QRFPR: variants seen among roughly 807,000 people sequenced by gnomAD.
The protein encoded by QRFPR is pyroglutamylated RF-amide peptide receptor.
Under a neutral mutation model 31.3 loss-of-function variants are expected in QRFPR, and 37 were observed. That is an observed-to-expected ratio of 1.18 (90% confidence interval 0.91 to 1.56). The LOEUF is 1.56. Among genes scored for constraint, QRFPR ranks in the 40% most tolerant of loss-of-function variants. The pLI is 0.00. For synonymous variants in QRFPR, 197 were observed against 192.0 expected (o/e 1.03, Z -0.22); for missense variants, 542 against 532.5 (o/e 1.02, Z -0.18).
Position 121,365,522 on chromosome 4 carries a change from T to TAAA in QRFPR, c.340+14785_340+14786insTTT, listed in dbSNP as rs1560743491. Among the ~76,000 whole-genome samples, 61 of 6,872 alleles carry TAAA rather than the reference T, an allele frequency of 8.9e-3. 8 individuals are homozygous for TAAA. The highest frequency in any genetic ancestry group is 0.074 in the East Asian group (4 of 54). The allele number at this position is 6,872 out of a possible 152,430, so 4.5% of individuals were successfully genotyped here. On this transcript the variant is annotated intron_variant, in intron 1 of 5. Transcript: ENST00000394427. Reference sequence around the variant, plus strand: ...TATAATATATATAATATATATTATATATATTATATATAATATATATTATAT... The same window carrying TAAA: ...TATAATATATATAATATATATTATATAAAATATTATATATAATATATATTATAT...
Position 121,380,537 on chromosome 4 carries a change from G to A in QRFPR, c.111C>T (p.Thr37=). The change falls in exon 1 of 6, where the codon ACC becomes ACT. Residue 37 remains threonine (T), a synonymous_variant. Coordinates refer to ENST00000394427, the MANE Select transcript of QRFPR (RefSeq NM_198179.3). The stretch of plus-strand genomic sequence containing the variant: ...GCTTGGCGCGTCCCGGCAGCTCTGG[G>A]GTGTAGACGAGCGGTCGCAGCCGGT... The part of the protein sequence containing the change: ...ALYRLRPLVY[T]PELPGRAKLA... 1 of 1,612,792 alleles carries A rather than the reference G, an allele frequency of 6.2e-7. No individual in the cohort carries two copies. The highest frequency in any genetic ancestry group is 8.5e-7 in the Non-Finnish European group (1 of 1,179,414).
At chr4:121,339,295 T>G (rs1725495058) in intron 2 of QRFPR, among the ~76,000 whole-genome samples, 2 of 152,232 alleles carry the variant, frequency 1.3e-5, no homozygotes, top group Admixed American at 1.3e-4. Flanking sequence ...TTCAAACTAC[T>G]GTGAAGCACA....
intron 1 of QRFPR, among the ~76,000 whole-genome samples, chr4:121,342,608 A>G (rs556210604): frequency 6.6e-6 from 1 of 152,010 alleles, no homozygotes; most frequent in South Asian, 2.1e-4. Context: ...TATATAATAT[A>G]TATGCTGCTA....
Position 121,336,257 on chromosome 4 carries a change from CTCTCCT to C in QRFPR, c.561+544_561+549del, listed in dbSNP as rs1725434750. Among the ~76,000 whole-genome samples, 5 of 152,248 alleles carry C rather than the reference CTCTCCT, an allele frequency of 3.3e-5. No individual in the cohort carries two copies. The South Asian group carries it at 1.0e-3, about 32-fold the overall frequency. ...TGGGCTGTCTGAAACCAACTCAGCACTCTCCTTCCTGTGAAGCCCCACACATGGCTG... is the reference window on the plus strand; with the variant it reads ...TGGGCTGTCTGAAACCAACTCAGCACTCCTGTGAAGCCCCACACATGGCTG... On this transcript the variant is annotated intron_variant, in intron 3 of 5. Coordinates refer to ENST00000394427, the MANE Select transcript of QRFPR (RefSeq NM_198179.3).
At chr4:121,335,065 C>T (rs950231478) in intron 3 of QRFPR, among the ~76,000 whole-genome samples, 4 of 152,102 alleles carry the variant, frequency 2.6e-5, no homozygotes, top group Non-Finnish European at 5.9e-5. Context: ...CAGATGTTTT[C>T]CTGACAGGAA....
intron 1 of QRFPR, among the ~76,000 whole-genome samples, chr4:121,376,919 C>G (rs1179128057): frequency 1.3e-5 from 2 of 152,028 alleles, no homozygotes; most frequent in Non-Finnish European, 2.9e-5. Flanking sequence ...AATTGAGAAC[C>G]TTGTTAAAAA....
intron 1 of QRFPR, chr4:121,369,936 C>T (rs1307782640): frequency 5.2e-6 from 4 of 768,066 alleles, no homozygotes; most frequent in African/African-American, 3.4e-5. Flanking sequence ...TGAGTGGTGA[C>T]ACCCTTGTGG....
intron 1 of QRFPR, among the ~76,000 whole-genome samples, chr4:121,366,105 G>C (rs1366722161): frequency 6.7e-6 from 1 of 149,050 alleles, no homozygotes; most frequent in Non-Finnish European, 1.5e-5. Flanking sequence ...GCACAAACAG[G>C]GCCAAAGCAG....
At chr4:121,355,403 A>G (rs565447408) in intron 1 of QRFPR, among the ~76,000 whole-genome samples, 1 of 152,186 alleles carries the variant, frequency 6.6e-6, no homozygotes, top group East Asian at 1.9e-4. Flanking sequence ...TTTCTGTGGT[A>G]TCAGTTGTAA....
chr4:121,359,463 C>G (rs922375112), intron 1 of QRFPR, among the ~76,000 whole-genome samples: 3 of 152,062 alleles, frequency 2.0e-5, no homozygotes, highest in African/African-American at 7.2e-5. Flanking sequence ...GGCCCAGTCT[C>G]CCAGCCTGCA....
Position 121,329,607 on chromosome 4 carries a change from T to C in QRFPR, c.1003A>G (p.Met335Val), listed in dbSNP as rs1579565462. The C allele has an allele frequency of 6.2e-7, 1 of 1,613,350 alleles. No homozygotes were observed. Among genetic ancestry groups the C allele is most frequent in the Non-Finnish European group, 8.5e-7 (1 of 1,179,602 alleles). ...ACATTTTTTTTGAAGTTTTCATTCA[T>C]AAATGCATAGACAATGGGATTACAG... ...SICNPIVYAF[M>V]NENFKKNVLS... is the part of the protein sequence containing the mutation. The change falls in exon 6 of 6, where the codon ATG becomes GTG. Residue 335 changes from methionine to valine, a missense_variant. Coordinates refer to ENST00000394427, the MANE Select transcript of QRFPR (RefSeq NM_198179.3).
chr4:121,329,226 A>G lies in QRFPR; in HGVS notation c.*88T>C. The G allele has an allele frequency of 9.8e-7, 1 of 1,025,324 alleles. No homozygotes were observed. Among genetic ancestry groups the G allele is most frequent in the Non-Finnish European group, 1.4e-6 (1 of 711,234 alleles). The allele number at this position is 1,025,324 out of a possible 1,614,324, so 63.5% of individuals were successfully genotyped here. ...GTTTTCTTCTTGTCATCATCTTAAG[A>G]ATAAAAAGAGTATTTGACCTTTGCT... On this transcript the variant is annotated 3_prime_UTR_variant, in exon 6 of 6. Transcript: ENST00000394427.
At chr4:121,334,629 A>G (rs1437688578) in intron 3 of QRFPR, 3 of 392,764 alleles carry the variant, frequency 7.6e-6, no homozygotes, top group South Asian at 3.9e-5. Flanking sequence ...CCTGGCAGAG[A>G]AAAAAAGGTA....
chr4:121,357,319 AAGAG>A (rs1433624447), intron 1 of QRFPR, among the ~76,000 whole-genome samples: 1 of 152,102 alleles, frequency 6.6e-6, no homozygotes, highest in Non-Finnish European at 1.5e-5. Context: ...CTGAGATCCT[AAGAG>A]AGAGCATGAA....
intron 2 of QRFPR, among the ~76,000 whole-genome samples, chr4:121,337,456 A>G (rs1394525995): frequency 1.3e-5 from 2 of 152,180 alleles, no homozygotes; most frequent in Admixed American, 1.3e-4. Flanking sequence ...AATTTCCTCC[A>G]AACTCCTTGA....
At chr4:121,336,727 G>T (rs1334515659) in intron 3 of QRFPR, 80 bp downstream of exon 3, 2 of 1,157,968 alleles carry the variant, frequency 1.7e-6, no homozygotes, top group African/African-American at 1.5e-5. Context: ...TATTGCTCCT[G>T]CAGGAAGGAA....
chr4:121,335,837 G>C (rs946650518), intron 3 of QRFPR, among the ~76,000 whole-genome samples: 4 of 152,046 alleles, frequency 2.6e-5, no homozygotes, highest in Non-Finnish European at 5.9e-5. Context: ...TATCTGACTG[G>C]AAGAGTTGCT....
At chr4:121,369,439 A>C in intron 1 of QRFPR, 1 of 870,388 alleles carries the variant, frequency 1.1e-6, no homozygotes, top group African/African-American at 1.7e-5. Context: ...TCTAGAAGCC[A>C]GTGGGTGTGA....
At chr4:121,369,354 C>T in intron 1 of QRFPR, 1 of 646,476 alleles carries the variant, frequency 1.5e-6, no homozygotes, top group Non-Finnish European at 2.8e-6. Context: ...TATACCTTTC[C>T]TATGTCAAAG....
Sources: gnomAD v4.1 joint callset for allele counts (sites outside exome capture counted in the v4.1 genomes callset) on GRCh38, gnomAD v4.1.1 for gene constraint, MANE v1.5 for transcripts, NCBI Gene and HGNC (gene_info 2026-07-23, HGNC 2026-07-21) for gene names.